CSMD1: variants seen among roughly 807,000 people sequenced by gnomAD.
CSMD1 encodes CUB and Sushi multiple domains 1, also known as CUB and sushi domain-containing protein 1.
CSMD1 carries 213 observed loss-of-function variants against 417.5 expected under a neutral mutation model. The observed-to-expected ratio is 0.51, with a 90% confidence interval of 0.46 to 0.57. The LOEUF (loss-of-function observed/expected upper bound fraction) is 0.57. CSMD1 is among the 20% of genes least tolerant of loss of function. The probability of loss-of-function intolerance (pLI) is 0.00; values close to 1 mark genes in which losing one functional copy is unlikely to be tolerated. For missense variants in CSMD1, 6,923 were observed against 4,529.7 expected (o/e 1.53, Z -15.17); for synonymous variants, 2,862 against 1,736.8 (o/e 1.65, Z -16.11).
intron 3 of CSMD1, among the ~76,000 whole-genome samples, chr8:4,099,210 A>T (rs1346349713): frequency 6.6e-6 from 1 of 150,728 alleles, no homozygotes; most frequent in African/African-American, 2.4e-5. Flanking sequence ...ACACACGCAC[A>T]CACACACACA....
chr8:4,933,030 G>A (rs919543850), intron 1 of CSMD1, among the ~76,000 whole-genome samples: 1 of 152,306 alleles, frequency 6.6e-6, no homozygotes, highest in African/African-American at 2.4e-5. Flanking sequence ...TGAGTTAAAA[G>A]ATTTTCTTTT....
At chr8:3,147,814 G>A (rs961842321) in intron 40 of CSMD1, among the ~76,000 whole-genome samples, 2 of 152,162 alleles carry the variant, frequency 1.3e-5, no homozygotes, top group African/African-American at 4.8e-5. Flanking sequence ...TCTGAAAACC[G>A]AGGAGGGGAG....
rs544482042 is a variant in CSMD1 at position 4,813,095 on chromosome 8, T to C, written c.86-175537A>G. Reference sequence around the variant, plus strand: ...GGTAGATATTTATGCATGATTTACATAGTTGAGAAAAACTATTTCTAAAAA... The same window carrying C: ...GGTAGATATTTATGCATGATTTACACAGTTGAGAAAAACTATTTCTAAAAA... On this transcript the variant is annotated intron_variant, in intron 1 of 69. Transcript: ENST00000635120. 4.6e-5 allele frequency among the ~76,000 whole-genome samples: 7 copies of C among 152,340 alleles called. No individual in the cohort carries two copies. In the South Asian group the frequency reaches 6.2e-4, roughly 14 times the overall value.
At chr8:4,198,182 A>G (rs112745642) in intron 3 of CSMD1, among the ~76,000 whole-genome samples, 2,290 of 152,318 alleles carry the variant, frequency 0.015, 58 homozygotes, top group African/African-American at 0.053. Flanking sequence ...CAGGGGAGTC[A>G]TTCCAAGCAG....
intron 2 of CSMD1, among the ~76,000 whole-genome samples, chr8:4,506,019 A>G (rs946136242): frequency 6.6e-6 from 1 of 152,006 alleles, no homozygotes; most frequent in African/African-American, 2.4e-5. Context: ...GCTGGTCTCA[A>G]ACTCTGCCCC....
At chr8:4,794,811 T>A (rs531196564) in intron 1 of CSMD1, among the ~76,000 whole-genome samples, 1 of 152,194 alleles carries the variant, frequency 6.6e-6, no homozygotes, top group Non-Finnish European at 1.5e-5. Context: ...AAGCACTCAA[T>A]GGTCCAAGTT....
intron 3 of CSMD1, among the ~76,000 whole-genome samples, chr8:4,339,880 T>G (rs35564642): frequency 0.12 from 18,835 of 151,834 alleles, 1,727 homozygotes; most frequent in South Asian, 0.25. Flanking sequence ...AAAAAATTAT[T>G]CTGGCATGGT....
chr8:4,154,930 G>C (rs1413687098), intron 3 of CSMD1, among the ~76,000 whole-genome samples: 2 of 152,106 alleles, frequency 1.3e-5, no homozygotes, highest in Non-Finnish European at 2.9e-5. Flanking sequence ...CAAGTCTATT[G>C]ACAATAATAC....
intron 5 of CSMD1, among the ~76,000 whole-genome samples, chr8:3,765,537 G>A (rs1276953335): frequency 2.0e-5 from 3 of 152,312 alleles, no homozygotes; most frequent in Middle Eastern, 3.4e-3. Context: ...CCTCTTCTTT[G>A]TAGTATTCTG....
rs536800186 is a variant in CSMD1 at position 4,165,389 on chromosome 8, G to A, written c.416-133290C>T. The stretch of plus-strand genomic sequence containing the variant: ...TAAAACAACTCTTACTAAAAGATGT[G>A]CCATTTGTAGAAAATATAAGCATCA... On this transcript the variant is annotated intron_variant, in intron 3 of 69. Transcript: ENST00000635120. Among the ~76,000 whole-genome samples, 3 of 152,230 alleles carry A rather than the reference G, an allele frequency of 2.0e-5. No individual in the cohort carries two copies. The East Asian group carries it at 5.8e-4, about 29-fold the overall frequency.
At chr8:4,984,930 G>A (rs1029002263) in intron 1 of CSMD1, among the ~76,000 whole-genome samples, 25 of 152,102 alleles carry the variant, frequency 1.6e-4, no homozygotes, top group Admixed American at 7.9e-4. Context: ...ATATGCATCC[G>A]GAAGACCACT....
At chr8:4,392,627 G>C (rs1038585580) in intron 3 of CSMD1, among the ~76,000 whole-genome samples, 2 of 151,878 alleles carry the variant, frequency 1.3e-5, no homozygotes, top group African/African-American at 2.4e-5. Flanking sequence ...GAAAAGAGCA[G>C]GGGTTTTTTG....
intron 1 of CSMD1, among the ~76,000 whole-genome samples, chr8:4,833,551 A>G (rs922152320): frequency 5.9e-5 from 9 of 152,336 alleles, no homozygotes; most frequent in African/African-American, 1.7e-4. Flanking sequence ...TGTTAAGTAG[A>G]TAAGTCATTA....
intron 3 of CSMD1, among the ~76,000 whole-genome samples, chr8:4,098,761 A>T (rs897538150): frequency 6.6e-6 from 1 of 152,180 alleles, no homozygotes; most frequent in African/African-American, 2.4e-5. Context: ...CCTTTGTCAG[A>T]CAGGGATAGA....
At chr8:3,295,945 C>A (rs932205993) in intron 25 of CSMD1, among the ~76,000 whole-genome samples, 1 of 152,040 alleles carries the variant, frequency 6.6e-6, no homozygotes, top group Admixed American at 6.6e-5. Context: ...ATACATCTGC[C>A]AAGTTGAGTC....
At chr8:4,305,065 T>A (rs565795953) in intron 3 of CSMD1, among the ~76,000 whole-genome samples, 1 of 152,144 alleles carries the variant, frequency 6.6e-6, no homozygotes, top group Non-Finnish European at 1.5e-5. Flanking sequence ...CACCTATTCG[T>A]TTTAGGGCAC....
chr8:3,369,019 T>A (rs759506877), intron 19 of CSMD1, among the ~76,000 whole-genome samples: 65 of 152,254 alleles, frequency 4.3e-4, no homozygotes, highest in Non-Finnish European at 8.2e-4. Context: ...TATGTTCACA[T>A]GCGTATATTC....
chr8:3,706,818 A>C (rs996445267), intron 7 of CSMD1, among the ~76,000 whole-genome samples: 6 of 152,202 alleles, frequency 3.9e-5, no homozygotes, highest in African/African-American at 1.4e-4. Flanking sequence ...TTCTATACTA[A>C]AAGCTAACAA....
chr8:3,437,787 G>A (rs1423734899), intron 12 of CSMD1, among the ~76,000 whole-genome samples: 5 of 148,278 alleles, frequency 3.4e-5, no homozygotes, highest in Admixed American at 1.4e-4. Flanking sequence ...TTGCTCTGTT[G>A]CCCAGGCTGG....
Sources: gnomAD v4.1 joint callset for allele counts (sites outside exome capture counted in the v4.1 genomes callset) on GRCh38, gnomAD v4.1.1 for gene constraint, MANE v1.5 for transcripts, NCBI Gene and HGNC (gene_info 2026-07-23, HGNC 2026-07-21) for gene names.